A1CF: variants seen among roughly 807,000 people sequenced by gnomAD.
A1CF encodes APOBEC1 complementation factor, also known as APOBEC-1 stimulating protein.
In A1CF, 48 loss-of-function variants were observed where a neutral mutation model predicts 68.9. The observed-to-expected ratio is 0.70, with a 90% CI of 0.55 to 0.89. The LOEUF is 0.89. Among genes scored for constraint, A1CF ranks in the 40% least tolerant of loss-of-function variants. A1CF has a pLI of 0.00. For synonymous variants in A1CF, 272 were observed against 260.4 expected (o/e 1.04, Z -0.43); for missense variants, 653 against 718.9 (o/e 0.91, Z 1.05).
chr10:50,806,535 A>C lies in A1CF; in HGVS notation c.*194T>G, dbSNP rs371566559. The C allele has an allele frequency of 2.9e-4, 126 of 432,786 alleles. 3 individuals are homozygous for C. In the South Asian group the frequency reaches 0.011, roughly 38 times the overall value. 26.8% of individuals were successfully genotyped at this position (432,786 alleles called of 1,614,324 possible). A position where few individuals can be genotyped will look rare whatever the true frequency, so the allele number is the denominator to read the frequency against. ...CTTTCTGTTAAACAAAAGGCTCTTTAACATTTGATTTCATTTCAGAATAAC... is the reference window on the plus strand; with the variant it reads ...CTTTCTGTTAAACAAAAGGCTCTTTCACATTTGATTTCATTTCAGAATAAC... On this transcript the variant is annotated 3_prime_UTR_variant, in exon 13 of 13. Coordinates refer to ENST00000373997, the MANE Select transcript of A1CF (RefSeq NM_014576.4).
At chr10:50,864,311 T>C (rs144958393) in intron 1 of A1CF, among the ~76,000 whole-genome samples, 15 of 152,308 alleles carry the variant, frequency 9.8e-5, no homozygotes, top group African/African-American at 3.6e-4. Flanking sequence ...ATATCTCATA[T>C]TGGAGGAGAG....
intron 3 of A1CF, among the ~76,000 whole-genome samples, chr10:50,845,929 G>A (rs924325979): frequency 1.3e-4 from 19 of 151,164 alleles, no homozygotes; most frequent in Non-Finnish European, 2.9e-5. Flanking sequence ...ACTCCCACCT[G>A]GGTGATAGAG....
intron 10 of A1CF, among the ~76,000 whole-genome samples, chr10:50,811,527 T>A (rs374228123): frequency 7.9e-5 from 12 of 152,322 alleles, no homozygotes; most frequent in African/African-American, 2.9e-4. Context: ...TTGTATAGAT[T>A]TACTCATTAT....
chr10:50,833,447 G>A (rs1317313455), intron 6 of A1CF, among the ~76,000 whole-genome samples: 5 of 152,138 alleles, frequency 3.3e-5, no homozygotes, highest in Non-Finnish European at 5.9e-5. Flanking sequence ...GTGGGATGCA[G>A]CAACTTTGTT....
At chr10:50,814,127 A>G in intron 9 of A1CF, 89 bp from the exon 10 acceptor site, 2 of 1,486,626 alleles carry the variant, frequency 1.3e-6, no homozygotes, top group Non-Finnish European at 9.2e-7. Flanking sequence ...ATCTTACTGT[A>G]ATGGAAAAGT....
At chr10:50,845,435 A>G (rs1299523548) in intron 3 of A1CF, among the ~76,000 whole-genome samples, 1 of 152,230 alleles carries the variant, frequency 6.6e-6, no homozygotes, top group Non-Finnish European at 1.5e-5. Context: ...TATATGTCAG[A>G]TACTGCTCTG....
chr10:50,805,078 A>G lies in A1CF; in HGVS notation c.*1651T>C, dbSNP rs532934704. ...GTAGCCTTGGAGGCTTTGTTATCTC[A>G]TTGGAGTTAGGACAACTGAAATGTT... On this transcript the variant is annotated 3_prime_UTR_variant, in exon 13 of 13. Transcript: ENST00000373997. 6.6e-6 allele frequency: 1 copy of G among 152,312 alleles called. No homozygotes were observed. The highest frequency in any genetic ancestry group is 2.1e-4 in the South Asian group (1 of 4,824). The allele number at this position is 152,312 out of a possible 1,614,324, so 9.4% of individuals were successfully genotyped here.
chr10:50,824,232 CATG>C (rs982345935), intron 7 of A1CF: 1 of 152,018 alleles, frequency 6.6e-6, no homozygotes, highest in Non-Finnish European at 1.5e-5. Flanking sequence ...TCATTATTTT[CATG>C]ATAATTAGTA....
intron 1 of A1CF, among the ~76,000 whole-genome samples, chr10:50,876,998 A>G (rs1395896931): frequency 1.3e-5 from 2 of 152,218 alleles, no homozygotes; most frequent in Non-Finnish European, 2.9e-5. Flanking sequence ...AGACTACTAC[A>G]GGTGACTGTT....
chr10:50,812,995 C>A (rs1312942721), intron 10 of A1CF, among the ~76,000 whole-genome samples: 1 of 152,142 alleles, frequency 6.6e-6, no homozygotes, highest in Non-Finnish European at 1.5e-5. Flanking sequence ...AACCAGTTTT[C>A]TTCTGGATTG....
intron 1 of A1CF, among the ~76,000 whole-genome samples, chr10:50,869,439 T>G (rs1841148773): frequency 6.6e-6 from 1 of 152,152 alleles, no homozygotes. Flanking sequence ...AAATTCAATT[T>G]CGAATGCATT....
chr10:50,838,180 G>A (rs181295758), intron 5 of A1CF, among the ~76,000 whole-genome samples: 1 of 152,136 alleles, frequency 6.6e-6, no homozygotes, highest in Non-Finnish European at 1.5e-5. Flanking sequence ...TATCCATGGA[G>A]CGAATGGCTC....
At position 50,816,136 on chromosome 10, in the gene A1CF, G is replaced by A. The variant is rs2132337620; in HGVS notation, c.1011C>T (p.Pro337=). The A allele has an allele frequency of 2.5e-6, 4 of 1,613,794 alleles. No homozygotes were observed. Among genetic ancestry groups the A allele is most frequent in the African/African-American group, 1.3e-5 (1 of 74,994 alleles). ...CAGGAGCTCCAAGGTAGGTTGTGGTGGGATCATAAACTTGGCCCAAAGAGT... is the reference window on the plus strand; with the variant it reads ...CAGGAGCTCCAAGGTAGGTTGTGGTAGGATCATAAACTTGGCCCAAAGAGT... ...YTYSLGQVYD[P]TTTYLGAPVF... Residue 337 remains proline, a synonymous_variant, in exon 9 of 13, where the codon CCC becomes CCT. Transcript: ENST00000373997.
At chr10:50,830,427 A>C (rs1839182246) in intron 6 of A1CF, among the ~76,000 whole-genome samples, 1 of 152,198 alleles carries the variant, frequency 6.6e-6, no homozygotes, top group Non-Finnish European at 1.5e-5. Flanking sequence ...GTAAAATACA[A>C]AACTAACATA....
chr10:50,850,428 G>A (rs984074291), intron 3 of A1CF, among the ~76,000 whole-genome samples: 7 of 152,158 alleles, frequency 4.6e-5, no homozygotes, highest in African/African-American at 1.7e-4. Flanking sequence ...TAAATGATGT[G>A]TTTTGCAAAG....
At chr10:50,833,631 C>A (rs985222879) in intron 6 of A1CF, among the ~76,000 whole-genome samples, 2 of 152,148 alleles carry the variant, frequency 1.3e-5, no homozygotes, top group Non-Finnish European at 2.9e-5. Flanking sequence ...TATCATTTTT[C>A]TCAACAGTCT....
intron 10 of A1CF, among the ~76,000 whole-genome samples, chr10:50,813,019 T>C (rs1451422386): frequency 6.6e-6 from 1 of 152,206 alleles, no homozygotes; most frequent in Non-Finnish European, 1.5e-5. Context: ...TTATAAGGGC[T>C]ACTTCCATAA....
intron 1 of A1CF, among the ~76,000 whole-genome samples, chr10:50,874,147 C>G (rs1009840823): frequency 9.9e-5 from 15 of 152,140 alleles, no homozygotes; most frequent in African/African-American, 3.6e-4. Flanking sequence ...GTTACCTTAA[C>G]TCTTAGGAAA....
intron 1 of A1CF, among the ~76,000 whole-genome samples, chr10:50,875,718 T>G (rs1841481122): frequency 1.3e-5 from 2 of 152,226 alleles, no homozygotes; most frequent in Admixed American, 6.5e-5. Context: ...CTTCCATTAC[T>G]GGACTTACCC....
Sources: allele counts gnomAD v4.1 joint callset (sites outside exome capture counted in the v4.1 genomes callset), GRCh38; gene constraint gnomAD v4.1.1; transcripts MANE v1.5; gene names NCBI Gene and HGNC (gene_info 2026-07-23, HGNC 2026-07-21).